Variants in RIMS1 observed in about 807,000 individuals in gnomAD.
The protein encoded by RIMS1 is regulating synaptic membrane exocytosis protein 1.
In RIMS1, 83 loss-of-function variants were observed where a neutral mutation model predicts 214.1. The observed-to-expected ratio is 0.39, with a 90% CI of 0.32 to 0.47. The LOEUF (loss-of-function observed/expected upper bound fraction) is 0.47. Among genes scored for constraint, RIMS1 ranks in the 20% least tolerant of loss-of-function variants. RIMS1 has a pLI of 0.99. For synonymous variants in RIMS1, 793 were observed against 786.8 expected (o/e 1.01, Z -0.13); for missense variants, 2,050 against 2,161.8 (o/e 0.95, Z 1.03).
At chr6:72,051,717 G>C (rs577584790) in intron 2 of RIMS1, among the ~76,000 whole-genome samples, 7 of 152,278 alleles carry the variant, frequency 4.6e-5, no homozygotes, top group Non-Finnish European at 8.8e-5. Context: ...GAGATGGTAA[G>C]ATCCTAGTAA....
intron 1 of RIMS1, among the ~76,000 whole-genome samples, chr6:71,917,392 G>A (rs1474653355): frequency 1.3e-5 from 2 of 152,086 alleles, no homozygotes; most frequent in Non-Finnish European, 2.9e-5. Flanking sequence ...GAAATGAACA[G>A]TGCTAACATC....
At chr6:72,009,104 C>G (rs1166048042) in intron 2 of RIMS1, among the ~76,000 whole-genome samples, 1 of 152,170 alleles carries the variant, frequency 6.6e-6, no homozygotes, top group South Asian at 2.1e-4. Flanking sequence ...TGTAAAAGAA[C>G]AGAAATTATA....
intron 4 of RIMS1, among the ~76,000 whole-genome samples, chr6:72,138,158 C>G (rs907570188): frequency 2.6e-5 from 4 of 152,040 alleles, no homozygotes; most frequent in Admixed American, 2.6e-4. Flanking sequence ...GTAGGGATAT[C>G]TATGATACAT....
At chr6:72,268,153 A>G (rs2081424657) in intron 22 of RIMS1, among the ~76,000 whole-genome samples, 1 of 152,200 alleles carries the variant, frequency 6.6e-6, no homozygotes, top group Non-Finnish European at 1.5e-5. Context: ...AGAGACTACA[A>G]GTACCCTTTG....
chr6:71,900,104 C>G (rs762926433), intron 1 of RIMS1, among the ~76,000 whole-genome samples: 61 of 152,130 alleles, frequency 4.0e-4, no homozygotes, highest in Admixed American at 1.4e-3. Context: ...ATCAGGTTAT[C>G]CAGGTGTGCT....
intron 4 of RIMS1, among the ~76,000 whole-genome samples, chr6:72,139,170 T>C (rs897443293): frequency 6.6e-6 from 1 of 152,184 alleles, no homozygotes; most frequent in Non-Finnish European, 1.5e-5. Flanking sequence ...GAAAAGACTC[T>C]GGCCTTTTCT....
chr6:72,217,481 T>C (rs1429331263), intron 6 of RIMS1, among the ~76,000 whole-genome samples: 1 of 152,198 alleles, frequency 6.6e-6, no homozygotes, highest in Non-Finnish European at 1.5e-5. Context: ...ATATACATTT[T>C]AGTATTACAT....
intron 29 of RIMS1, among the ~76,000 whole-genome samples, chr6:72,338,546 G>C (rs2096928100): frequency 6.6e-6 from 1 of 151,918 alleles, no homozygotes; most frequent in African/African-American, 2.4e-5. Flanking sequence ...TACAGAATGG[G>C]AGAAAATTTT....
At chr6:71,947,564 ATGT>A (rs1788248467) in intron 1 of RIMS1, among the ~76,000 whole-genome samples, 1 of 152,098 alleles carries the variant, frequency 6.6e-6, no homozygotes, top group Non-Finnish European at 1.5e-5. Context: ...GATTGGGGAG[ATGT>A]TGGTCAAATG....
chr6:72,026,202 C>T (rs79437721), intron 2 of RIMS1, among the ~76,000 whole-genome samples: 1 of 152,240 alleles, frequency 6.6e-6, no homozygotes, highest in East Asian at 1.9e-4. Flanking sequence ...AAAACAGCAA[C>T]ATTTTATTAT....
chr6:72,306,965 C>T lies in RIMS1; in HGVS notation c.3851-293C>T, dbSNP rs528148699. 6.9e-4 allele frequency among the ~76,000 whole-genome samples: 105 copies of T among 152,008 alleles called. 1 individual carries two copies. The highest frequency in any genetic ancestry group is 1.4e-3 in the African/African-American group (56 of 41,454). ...ACATTCTTACAATTAAATTTGGTTT[C>T]GCATAATCATTTATGAAGGAAATTG... On this transcript the variant is annotated intron_variant, in intron 26 of 33. Coordinates refer to ENST00000521978, the MANE Select transcript of RIMS1 (RefSeq NM_014989.7).
At chr6:72,265,616 G>A (rs1031767731) in intron 21 of RIMS1, 113 bp downstream of exon 21, 2 of 622,784 alleles carry the variant, frequency 3.2e-6, no homozygotes, top group African/African-American at 1.9e-5. Context: ...GTTTTGGTGT[G>A]GCATCTGTTC....
chr6:71,976,983 A>T (rs1251891752), intron 2 of RIMS1, among the ~76,000 whole-genome samples: 1 of 152,124 alleles, frequency 6.6e-6, no homozygotes, highest in African/African-American at 2.4e-5. Context: ...TTTCTCTATG[A>T]CTTTAAGCTC....
intron 4 of RIMS1, among the ~76,000 whole-genome samples, chr6:72,150,801 G>A (rs1347669872): frequency 6.6e-6 from 1 of 152,064 alleles, no homozygotes; most frequent in East Asian, 1.9e-4. Flanking sequence ...TTCCCCTCAT[G>A]CTCTTTTCCT....
At chr6:72,056,806 T>A (rs1243388560) in intron 2 of RIMS1, among the ~76,000 whole-genome samples, 1 of 152,140 alleles carries the variant, frequency 6.6e-6, no homozygotes. Context: ...AATAAGAAAA[T>A]TAAGGTTAAA....
chr6:72,269,642 C>G (rs2082105321), intron 22 of RIMS1, among the ~76,000 whole-genome samples: 1 of 152,138 alleles, frequency 6.6e-6, no homozygotes. Flanking sequence ...GCAACTACTT[C>G]TCTTCCTGCT....
rs371076285 is a variant in RIMS1, at chr6:72,234,576, A to G, written c.1746+736A>G. ...TATTGATGTATTATTATTATTGACT[A>G]AAGTCCATAGTGTACATTAGGGTAC... is the stretch of plus-strand genomic sequence containing the variant. On this transcript the variant is annotated intron_variant, in intron 7 of 33. Transcript: ENST00000521978. Among the ~76,000 whole-genome samples the G allele has an allele frequency of 1.7e-3, 265 of 152,134 alleles. 2 individuals are homozygous for G. Among genetic ancestry groups the G allele is most frequent in the African/African-American group, 6.2e-3 (258 of 41,548 alleles).
chr6:72,035,121 G>A (rs1819248990), intron 2 of RIMS1, among the ~76,000 whole-genome samples: 2 of 152,076 alleles, frequency 1.3e-5, no homozygotes, highest in East Asian at 1.9e-4. Flanking sequence ...GTCTTTATCT[G>A]TAAAAAGGGA....
chr6:72,281,836 T>G (rs975226917), intron 23 of RIMS1, among the ~76,000 whole-genome samples: 1 of 152,144 alleles, frequency 6.6e-6, no homozygotes, highest in Admixed American at 6.6e-5. Context: ...CCTGGTTTAC[T>G]TTTGTTGTTG....
Sources: allele counts gnomAD v4.1 joint callset (sites outside exome capture counted in the v4.1 genomes callset), GRCh38; gene constraint gnomAD v4.1.1; transcripts MANE v1.5; gene names NCBI Gene and HGNC (gene_info 2026-07-23, HGNC 2026-07-21).